SORCS1: variants seen among roughly 807,000 people sequenced by gnomAD.
SORCS1 encodes the protein VPS10 domain-containing receptor SorCS1.
In SORCS1, 60 loss-of-function variants were observed where a neutral mutation model predicts 146.1. The observed-to-expected ratio is 0.41, with a 90% confidence interval of 0.33 to 0.51. The LOEUF is 0.51. Ranked by LOEUF, SORCS1 falls within the 20% of genes least tolerant of loss-of-function variation. SORCS1 has a pLI of 0.21. For missense variants in SORCS1, 1,352 were observed against 1,487.6 expected, an observed-to-expected ratio of 0.91 and a Z score of 1.50; for synonymous variants, 637 against 584.0, an observed-to-expected ratio of 1.09 and a Z score of -1.31.
intron 4 of SORCS1, among the ~76,000 whole-genome samples, chr10:106,771,211 C>A (rs1339191255): frequency 6.7e-6 from 1 of 149,708 alleles, no homozygotes; most frequent in African/African-American, 2.5e-5. Flanking sequence ...TCTTATACTT[C>A]TCTCCTGTTT....
chr10:106,659,796 T>C (rs1850585590), intron 17 of SORCS1, among the ~76,000 whole-genome samples: 1 of 152,196 alleles, frequency 6.6e-6, no homozygotes, highest in Admixed American at 6.5e-5. Flanking sequence ...CAAGTCTCCA[T>C]GTACAGTGAT....
intron 2 of SORCS1, among the ~76,000 whole-genome samples, chr10:106,900,572 TC>T (rs1251577759): frequency 1.3e-5 from 2 of 152,124 alleles, no homozygotes; most frequent in African/African-American, 2.4e-5. Flanking sequence ...CTACACTGAC[TC>T]CTACACTTTC....
chr10:106,581,775 ATC>A (rs202126673), intron 24 of SORCS1, among the ~76,000 whole-genome samples: 1 of 151,876 alleles, frequency 6.6e-6, no homozygotes, highest in Admixed American at 6.6e-5. Flanking sequence ...AAAAGATAAG[ATC>A]TCTCTCTCTC....
Position 107,164,348 on chromosome 10 carries a change from C to A in SORCS1, c.179G>T (p.Gly60Val). 6.6e-7 allele frequency: 1 copy of A among 1,526,356 alleles called. No homozygotes were observed. Among genetic ancestry groups the A allele is most frequent in the Non-Finnish European group, 8.8e-7 (1 of 1,139,000 alleles). The allele number at this position is 1,526,356 out of a possible 1,614,324, so 94.6% of individuals were successfully genotyped here. ...CGTGGCAGGAGCCCTGCCTGGCCGCCCCTGGTGGGAAAAGCCCCTAGGGGT... is the reference window on the plus strand; with the variant it reads ...CGTGGCAGGAGCCCTGCCTGGCCGCACCTGGTGGGAAAAGCCCCTAGGGGT... The part of the protein sequence containing the change: ...ASTPRGFSHQ[G>V]RPGRAPATPL... The change falls in exon 1 of 26, where the codon GGG (glycine) becomes GTG (valine). Residue 60 changes from glycine to valine, a missense_variant. Coordinates refer to ENST00000263054, the MANE Select transcript of SORCS1 (RefSeq NM_052918.5). The surrounding 1 kb of genome is among the most constrained non-coding windows in gnomAD (Gnocchi z 6.8).
intron 17 of SORCS1, among the ~76,000 whole-genome samples, chr10:106,658,830 CCTGCATCCAGAGAAA>C (rs1850503225): frequency 6.6e-6 from 1 of 152,136 alleles, no homozygotes; most frequent in African/African-American, 2.4e-5. Flanking sequence ...TTCTTCTACC[CCTGCATCCAGAGAAA>C]CTGCTTCTGA....
At chr10:107,061,875 G>T (rs1164752068) in intron 1 of SORCS1, among the ~76,000 whole-genome samples, 1 of 152,106 alleles carries the variant, frequency 6.6e-6, no homozygotes, top group African/African-American at 2.4e-5. Flanking sequence ...AACAGAATAA[G>T]GTTAAGTGAA....
intron 1 of SORCS1, among the ~76,000 whole-genome samples, chr10:107,070,685 A>G (rs1264755817): frequency 6.6e-6 from 1 of 152,208 alleles, no homozygotes; most frequent in Non-Finnish European, 1.5e-5. Flanking sequence ...CAGAAAAATA[A>G]TACCTCGTTT....
intron 3 of SORCS1, among the ~76,000 whole-genome samples, chr10:106,784,743 T>C (rs112621866): frequency 6.6e-6 from 1 of 152,224 alleles, no homozygotes; most frequent in Non-Finnish European, 1.5e-5. Context: ...CAAGAAATGA[T>C]GTTCATTTAA....
rs569983506 is a variant in SORCS1, at chr10:106,856,234, C to T, written c.627-26561G>A. On this transcript the variant is annotated intron_variant, in intron 2 of 25. Coordinates refer to ENST00000263054, the MANE Select transcript of SORCS1 (RefSeq NM_052918.5). The stretch of plus-strand genomic sequence containing the variant: ...TAGACACAAGGTTTCACCATATTGA[C>T]CAGGCTGATTTCGAACTCCTGACCT... Among the ~76,000 whole-genome samples the T allele has an allele frequency of 2.6e-5, 4 of 152,230 alleles. No homozygotes were observed. In the East Asian group the frequency reaches 7.7e-4, roughly 29 times the overall value.
In SORCS1 at chr10:106,622,234, G is replaced by A. The variant is rs995001381; in HGVS notation, c.2663-1673C>T. On this transcript the variant is annotated intron_variant, in intron 19 of 25. Coordinates refer to ENST00000263054, the MANE Select transcript of SORCS1 (RefSeq NM_052918.5). ...GAATCCGGGAAGCAGAGGTTACGGTGAGCCAAGATCACACCACTGCACTCC... is the reference window on the plus strand; with the variant it reads ...GAATCCGGGAAGCAGAGGTTACGGTAAGCCAAGATCACACCACTGCACTCC... Among the ~76,000 whole-genome samples, 24 of 139,076 alleles carry A rather than the reference G, an allele frequency of 1.7e-4. 1 individual carries two copies. The highest frequency in any genetic ancestry group is 6.6e-4 in the African/African-American group (24 of 36,384). The allele number at this position is 139,076 out of a possible 152,430, so 91.2% of individuals were successfully genotyped here. A position where few individuals can be genotyped will look rare whatever the true frequency, so the allele number is the denominator to read the frequency against.
At chr10:107,027,784 C>G (rs1179716645) in intron 1 of SORCS1, among the ~76,000 whole-genome samples, 1 of 152,158 alleles carries the variant, frequency 6.6e-6, no homozygotes, top group African/African-American at 2.4e-5. Flanking sequence ...ACTCCAAACA[C>G]AAACCATTAT....
intron 24 of SORCS1, among the ~76,000 whole-genome samples, chr10:106,588,657 C>G (rs546158620): frequency 6.6e-6 from 1 of 151,676 alleles, no homozygotes; most frequent in South Asian, 2.1e-4. Flanking sequence ...GTCAGGAGAT[C>G]GAGACCATCC....
chr10:106,734,653 T>C (rs1181361397), intron 5 of SORCS1, among the ~76,000 whole-genome samples: 1 of 152,222 alleles, frequency 6.6e-6, no homozygotes, highest in Non-Finnish European at 1.5e-5. Flanking sequence ...TTAAGTTAGT[T>C]AACATCTCTG....
intron 24 of SORCS1, among the ~76,000 whole-genome samples, chr10:106,593,034 G>A (rs935803438): frequency 1.3e-5 from 2 of 151,516 alleles, no homozygotes; most frequent in Non-Finnish European, 2.9e-5. Flanking sequence ...AGCTACTTGG[G>A]AGGCTGAGGG....
intron 4 of SORCS1, among the ~76,000 whole-genome samples, chr10:106,770,007 C>T (rs904691121): frequency 6.6e-6 from 1 of 152,090 alleles, no homozygotes; most frequent in African/African-American, 2.4e-5. Context: ...GCAGGAGAAT[C>T]GCTGGAACCC....
At chr10:107,035,291 C>CAAAAAAAAAAA in intron 1 of SORCS1, among the ~76,000 whole-genome samples, 1 of 106,118 alleles carries the variant, frequency 9.4e-6, no homozygotes, top group African/African-American at 3.9e-5. Context: ...AAAAAAAAAA[C>CAAAAAAAAAAA]ACAGAAAAAC....
Position 106,667,769 on chromosome 10 carries a change from C to T in SORCS1, c.2223G>A (p.Gln741=). 1 of 1,614,080 alleles carries T rather than the reference C, an allele frequency of 6.2e-7. No individual in the cohort carries two copies. Among genetic ancestry groups the T allele is most frequent in the African/African-American group, 1.3e-5 (1 of 75,054 alleles). ...GATTGAACCAAAATGCCGGCAGGCA[C>T]TGGCCATTGCTGTGTCGCTCATAAC... The part of the protein sequence containing the change: ...DYGYERHSNG[Q]CLPAFWFNPS... Residue 741 remains glutamine, a synonymous_variant, in exon 17 of 26, where the codon CAG becomes CAA. Coordinates refer to ENST00000263054, the MANE Select transcript of SORCS1 (RefSeq NM_052918.5).
chr10:106,942,538 C>T (rs892277854), intron 2 of SORCS1, among the ~76,000 whole-genome samples: 2 of 152,182 alleles, frequency 1.3e-5, no homozygotes, highest in Non-Finnish European at 1.5e-5. Context: ...CCTCTCCTGT[C>T]TTCTCAGTGA....
chr10:106,710,995 T>C (rs1170008883), intron 6 of SORCS1, among the ~76,000 whole-genome samples: 3 of 152,218 alleles, frequency 2.0e-5, no homozygotes, highest in African/African-American at 7.2e-5. Flanking sequence ...ATCCTATTAA[T>C]TCTTTCTATG....
Sources: gnomAD v4.1 joint callset for allele counts (sites outside exome capture counted in the v4.1 genomes callset) on GRCh38, gnomAD v4.1.1 for gene constraint, Gnocchi (gnomAD v3.1) non-coding constraint, MANE v1.5 for transcripts, NCBI Gene and HGNC (gene_info 2026-07-23, HGNC 2026-07-21) for gene names.